The following TIAM1 variants were observed in gnomAD, a reference collection of about 807,000 sequenced individuals.
The protein encoded by TIAM1 is TIAM Rac1 associated GEF 1.
TIAM1 carries 65 observed loss-of-function variants against 163.5 expected under a neutral mutation model. The ratio of observed to expected loss-of-function variants is 0.40; its 90% confidence interval spans 0.33 to 0.49. The LOEUF (loss-of-function observed/expected upper bound fraction) is 0.49, where lower values mean the gene tolerates loss of function less well. Ranked by LOEUF, TIAM1 falls within the 20% of genes least tolerant of loss-of-function variation. The pLI is 0.77. For missense variants in TIAM1, 1,789 were observed against 2,044.7 expected (o/e 0.87, Z 2.41); for synonymous variants, 833 against 810.1 (o/e 1.03, Z -0.48).
At chr21:31,428,882 CAAA>C (rs56402509) in intron 2 of TIAM1, among the ~76,000 whole-genome samples, 2 of 123,840 alleles carry the variant, frequency 1.6e-5, no homozygotes, top group Admixed American at 8.2e-5. Context: ...GACCCTGTCT[CAAA>C]AAAAAAAAAA....
chr21:31,310,619 C>T (rs912519807), intron 2 of TIAM1, among the ~76,000 whole-genome samples: 1 of 152,182 alleles, frequency 6.6e-6, no homozygotes, highest in African/African-American at 2.4e-5. Flanking sequence ...CGGGACACAC[C>T]TGATTCCTAA....
intron 1 of TIAM1, among the ~76,000 whole-genome samples, chr21:31,538,717 C>T (rs973009214): frequency 6.6e-6 from 1 of 152,218 alleles, no homozygotes; most frequent in African/African-American, 2.4e-5. Context: ...TTCATTAATG[C>T]TGCCTTGGTT....
intron 2 of TIAM1, among the ~76,000 whole-genome samples, chr21:31,462,048 C>T (rs973436366): frequency 5.9e-5 from 9 of 152,154 alleles, no homozygotes; most frequent in South Asian, 2.1e-4. Context: ...GTGTCGGGGA[C>T]GAGAAGTATT....
chr21:31,428,236 C>A (rs1268489997), intron 2 of TIAM1, among the ~76,000 whole-genome samples: 4 of 152,114 alleles, frequency 2.6e-5, no homozygotes, highest in Non-Finnish European at 4.4e-5. Flanking sequence ...GCCTGGGTAA[C>A]AGGAGTGAAA....
At chr21:31,557,205 A>C (rs1017192140) in intron 1 of TIAM1, among the ~76,000 whole-genome samples, 5 of 152,240 alleles carry the variant, frequency 3.3e-5, no homozygotes, top group African/African-American at 4.8e-5. Flanking sequence ...AATCTAATTA[A>C]ACCTAAGGCC....
At chr21:31,182,302 C>T (rs1408256544) in intron 15 of TIAM1, 119 bp downstream of exon 15, 1 of 848,596 alleles carries the variant, frequency 1.2e-6, no homozygotes, top group Non-Finnish European at 1.7e-6. Flanking sequence ...CTTGCACACA[C>T]ATTTTATACC....
chr21:31,513,699 G>C (rs2047287180), intron 1 of TIAM1, among the ~76,000 whole-genome samples: 1 of 152,118 alleles, frequency 6.6e-6, no homozygotes, highest in Non-Finnish European at 1.5e-5. Flanking sequence ...GGTCAATCTA[G>C]ACCTACTTGT....
At chr21:31,542,088 G>C (rs556279231) in intron 1 of TIAM1, among the ~76,000 whole-genome samples, 1 of 152,200 alleles carries the variant, frequency 6.6e-6, no homozygotes, top group African/African-American at 2.4e-5. Flanking sequence ...TTCAAGCCAG[G>C]CTCCTCCCAT....
chr21:31,306,107 G>A (rs1195900297), intron 2 of TIAM1, among the ~76,000 whole-genome samples: 1 of 138,068 alleles, frequency 7.2e-6, no homozygotes, highest in Admixed American at 7.3e-5. Flanking sequence ...AACCCACCAA[G>A]ACCTCATCTC....
chr21:31,281,998 G>A (rs1376288524), intron 2 of TIAM1, among the ~76,000 whole-genome samples: 1 of 152,174 alleles, frequency 6.6e-6, no homozygotes, highest in Non-Finnish European at 1.5e-5. Flanking sequence ...AAAAACTTGG[G>A]AATGACTTCT....
intron 23 of TIAM1, among the ~76,000 whole-genome samples, chr21:31,132,289 G>A (rs73347764): frequency 0.015 from 2,217 of 152,180 alleles, 51 homozygotes; most frequent in African/African-American, 0.05. Flanking sequence ...GGAAATAAGC[G>A]CTGAGATGCA....
At chr21:31,547,280 G>A (rs1490240076) in intron 1 of TIAM1, among the ~76,000 whole-genome samples, 1 of 152,198 alleles carries the variant, frequency 6.6e-6, no homozygotes, top group African/African-American at 2.4e-5. Context: ...TAGAAACAAA[G>A]TATATCTGGT....
intron 2 of TIAM1, among the ~76,000 whole-genome samples, chr21:31,453,711 TAAATAAATAAATAAATA>T (rs994078506): frequency 6.9e-6 from 1 of 145,828 alleles, no homozygotes; most frequent in African/African-American, 2.5e-5. Context: ...AATAAATAAA[TAAATAAATAAATAAATA>T]AATAAATTTT....
intron 16 of TIAM1, among the ~76,000 whole-genome samples, chr21:31,161,544 A>G (rs927998122): frequency 6.6e-6 from 1 of 152,342 alleles, no homozygotes; most frequent in African/African-American, 2.4e-5. Flanking sequence ...AAGGCCACAC[A>G]TAGCAAAAAC....
intron 16 of TIAM1, among the ~76,000 whole-genome samples, chr21:31,164,338 C>T (rs1275794819): frequency 2.0e-5 from 3 of 149,642 alleles, no homozygotes; most frequent in Admixed American, 1.3e-4. Context: ...TGCAGTGAGC[C>T]GAGATCACGC....
At chr21:31,253,431 G>A (rs540412933) in intron 4 of TIAM1, among the ~76,000 whole-genome samples, 2 of 152,286 alleles carry the variant, frequency 1.3e-5, no homozygotes, top group South Asian at 2.1e-4. Context: ...GGGGCAGTAT[G>A]AGCCATGCCA....
At chr21:31,132,079 C>T (rs909039350) in intron 23 of TIAM1, among the ~76,000 whole-genome samples, 1 of 152,164 alleles carries the variant, frequency 6.6e-6, no homozygotes, top group Non-Finnish European at 1.5e-5. Context: ...AGTCACACAG[C>T]GGCTGAAGGA....
chr21:31,202,152 A>T (rs145842293), intron 12 of TIAM1, among the ~76,000 whole-genome samples: 8 of 152,230 alleles, frequency 5.3e-5, no homozygotes, highest in Non-Finnish European at 7.4e-5. Flanking sequence ...TTTTCACCCA[A>T]CAAGATTTGA....
At chr21:31,557,260 T>G (rs933123) in intron 1 of TIAM1, among the ~76,000 whole-genome samples, 18,886 of 152,230 alleles carry the variant, frequency 0.12, 2,042 homozygotes, top group East Asian at 0.64. Flanking sequence ...CAGTCCTTCA[T>G]GCCTTTTATA....
Sources: gnomAD v4.1 joint callset for allele counts (sites outside exome capture counted in the v4.1 genomes callset) on GRCh38, gnomAD v4.1.1 for gene constraint, MANE v1.5 for transcripts, NCBI Gene and HGNC (gene_info 2026-07-23, HGNC 2026-07-21) for gene names.